Variants in FSTL5 observed in about 807,000 individuals in gnomAD.
FSTL5 encodes the protein follistatin like 5.
In FSTL5, 62 loss-of-function variants were observed where a neutral mutation model predicts 89.1. The observed-to-expected ratio is 0.70, with a 90% CI of 0.57 to 0.86. The LOEUF is 0.86. Among genes scored for constraint, FSTL5 ranks in the 40% least tolerant of loss-of-function variants. The probability of loss-of-function intolerance (pLI) is 0.00; values close to 1 mark genes in which losing one functional copy is unlikely to be tolerated. For synonymous variants in FSTL5, 383 were observed against 346.2 expected (o/e 1.11, Z -1.18); for missense variants, 1,057 against 1,001.6 (o/e 1.06, Z -0.75).
intron 6 of FSTL5, among the ~76,000 whole-genome samples, chr4:161,722,322 A>G (rs924657610): frequency 2.0e-5 from 3 of 152,180 alleles, no homozygotes; most frequent in Non-Finnish European, 2.9e-5. Flanking sequence ...TTTGTCATTA[A>G]GTTTTAATTA....
intron 4 of FSTL5, among the ~76,000 whole-genome samples, chr4:161,868,979 T>C (rs1265541569): frequency 1.3e-5 from 2 of 152,086 alleles, no homozygotes; most frequent in Non-Finnish European, 2.9e-5. Context: ...CCCAGCAATT[T>C]GGGAGAACGA....
intron 4 of FSTL5, among the ~76,000 whole-genome samples, chr4:161,776,801 T>C (rs1380909228): frequency 2.0e-5 from 3 of 152,000 alleles, no homozygotes; most frequent in Non-Finnish European, 2.9e-5. Flanking sequence ...AGGCATACAA[T>C]GTGCAATGAT....
intron 4 of FSTL5, among the ~76,000 whole-genome samples, chr4:161,909,907 T>G (rs1733642767): frequency 6.6e-6 from 1 of 152,144 alleles, no homozygotes; most frequent in African/African-American, 2.4e-5. Flanking sequence ...ATATATTGAA[T>G]ACTGAATACT....
intron 6 of FSTL5, among the ~76,000 whole-genome samples, chr4:161,734,994 C>A (rs1205160605): frequency 6.6e-6 from 1 of 152,126 alleles, no homozygotes; most frequent in Admixed American, 6.6e-5. Context: ...GAGACAGTGG[C>A]AGAGCTCACA....
intron 10 of FSTL5, among the ~76,000 whole-genome samples, chr4:161,534,470 T>C (rs1731525944): frequency 6.6e-6 from 1 of 152,150 alleles, no homozygotes; most frequent in Non-Finnish European, 1.5e-5. Context: ...CACAATTCCA[T>C]TTATAATAGC....
At chr4:161,555,930 T>C (rs4501178) in intron 8 of FSTL5, among the ~76,000 whole-genome samples, 27,057 of 151,496 alleles carry the variant, frequency 0.18, 2,758 homozygotes, top group East Asian at 0.39. Flanking sequence ...AGATGGGAAT[T>C]GAACCTGTCT....
intron 6 of FSTL5, among the ~76,000 whole-genome samples, chr4:161,698,700 G>A (rs906836248): frequency 6.6e-6 from 1 of 152,134 alleles, no homozygotes; most frequent in Non-Finnish European, 1.5e-5. Flanking sequence ...AAGCCGAGGC[G>A]GGTGATCACC....
chr4:161,715,813 C>A (rs896058254), intron 6 of FSTL5, among the ~76,000 whole-genome samples: 1 of 152,164 alleles, frequency 6.6e-6, no homozygotes, highest in Non-Finnish European at 1.5e-5. Context: ...TCCTTTCTTA[C>A]TTATTCTACA....
chr4:161,785,045 T>A (rs2126814265), intron 4 of FSTL5, among the ~76,000 whole-genome samples: 1 of 152,302 alleles, frequency 6.6e-6, no homozygotes, highest in South Asian at 2.1e-4. Flanking sequence ...ATTTAATCTT[T>A]ATAATGACAC....
At chr4:162,159,533 G>T (rs1205036448) in intron 1 of FSTL5, among the ~76,000 whole-genome samples, 2 of 151,898 alleles carry the variant, frequency 1.3e-5, no homozygotes, top group Non-Finnish European at 2.9e-5. Flanking sequence ...TTAATTACTT[G>T]ATTTTAAACC....
chr4:161,836,216 C>T (rs1429662256), intron 4 of FSTL5, among the ~76,000 whole-genome samples: 2 of 145,998 alleles, frequency 1.4e-5, no homozygotes, highest in East Asian at 4.1e-4. Flanking sequence ...AAAAAAACAA[C>T]CACTGCATAT....
chr4:161,893,640 A>G (rs1458763051), intron 4 of FSTL5, among the ~76,000 whole-genome samples: 2 of 152,222 alleles, frequency 1.3e-5, no homozygotes, highest in African/African-American at 4.8e-5. Context: ...CAGGTAATTC[A>G]AAATGGTTTT....
intron 4 of FSTL5, among the ~76,000 whole-genome samples, chr4:161,845,176 G>T (rs912305049): frequency 2.6e-5 from 4 of 152,070 alleles, no homozygotes; most frequent in African/African-American, 9.7e-5. Context: ...ATGTACTTTA[G>T]CATTACTGGC....
At chr4:161,686,806 CTT>C (rs1737763540) in intron 6 of FSTL5, among the ~76,000 whole-genome samples, 1 of 151,998 alleles carries the variant, frequency 6.6e-6, no homozygotes, top group Non-Finnish European at 1.5e-5. Flanking sequence ...AATAGGCACA[CTT>C]TTAAATAAAA....
chr4:161,520,348 T>C (rs977483656), intron 10 of FSTL5, among the ~76,000 whole-genome samples: 8 of 151,406 alleles, frequency 5.3e-5, no homozygotes, highest in Non-Finnish European at 1.2e-4. Context: ...GGTTAACATA[T>C]CAATATAATT....
intron 4 of FSTL5, among the ~76,000 whole-genome samples, chr4:161,833,547 T>G (rs1560871467): frequency 2.1e-5 from 3 of 145,796 alleles, no homozygotes; most frequent in Middle Eastern, 3.5e-3. Context: ...AGGACTTGCT[T>G]TATGAATCTG....
At chr4:161,600,929 C>T (rs901153260) in intron 7 of FSTL5, among the ~76,000 whole-genome samples, 1 of 152,142 alleles carries the variant, frequency 6.6e-6, no homozygotes, top group Admixed American at 6.6e-5. Context: ...AACTGACTAT[C>T]CTCAAATCCC....
chr4:162,153,831 CTTT>C (rs1733363016), intron 1 of FSTL5, among the ~76,000 whole-genome samples: 1 of 144,840 alleles, frequency 6.9e-6, no homozygotes, highest in Non-Finnish European at 1.5e-5. Context: ...TTTAGACGGA[CTTT>C]CACTCTTGTT....
chr4:161,782,147 G>T (rs1204906582), intron 4 of FSTL5, among the ~76,000 whole-genome samples: 1 of 152,058 alleles, frequency 6.6e-6, no homozygotes, highest in Non-Finnish European at 1.5e-5. Context: ...CCTGTTGAAG[G>T]GCAACTTGGC....
Sources: gnomAD v4.1 joint callset for allele counts (sites outside exome capture counted in the v4.1 genomes callset) on GRCh38, gnomAD v4.1.1 for gene constraint, MANE v1.5 for transcripts, NCBI Gene and HGNC (gene_info 2026-07-23, HGNC 2026-07-21) for gene names.